The following CACNA1C variants were observed in gnomAD, a reference collection of about 807,000 sequenced individuals.
The protein encoded by CACNA1C is calcium voltage-gated channel subunit alpha1 C, also known as voltage-dependent L-type calcium channel subunit alpha-1C.
CACNA1C carries 30 observed loss-of-function variants against 229.0 expected under a neutral mutation model. That is an observed-to-expected ratio of 0.13 (90% CI 0.10 to 0.18). The LOEUF is 0.18. CACNA1C is among the 10% of genes least tolerant of loss of function. The pLI is 1.00. For synonymous variants in CACNA1C, 1,114 were observed against 1,132.5 expected (o/e 0.98, Z 0.33); for missense variants, 1,658 against 2,845.0 (o/e 0.58, Z 9.49).
At chr12:2,590,777 A>T (rs1336349167) in intron 18 of CACNA1C, among the ~76,000 whole-genome samples, 1 of 152,234 alleles carries the variant, frequency 6.6e-6, no homozygotes, top group Non-Finnish European at 1.5e-5. Flanking sequence ...TTCTGTAAAC[A>T]CAAATGATTA....
chr12:2,300,655 G>A (rs936656025), intron 3 of CACNA1C, among the ~76,000 whole-genome samples: 2 of 152,030 alleles, frequency 1.3e-5, no homozygotes, highest in African/African-American at 4.8e-5. Context: ...GAAAAGGACT[G>A]GATTCCTTTC....
At chr12:2,012,656 TGAG>T (rs2044649154) in intron 1 of CACNA1C, among the ~76,000 whole-genome samples, 1 of 152,154 alleles carries the variant, frequency 6.6e-6, no homozygotes, top group Admixed American at 6.5e-5. Flanking sequence ...AAAATCTAGT[TGAG>T]GAGACAAAGA....
At chr12:2,431,457 C>T (rs950843429) in intron 3 of CACNA1C, among the ~76,000 whole-genome samples, 1 of 152,144 alleles carries the variant, frequency 6.6e-6, no homozygotes, top group Non-Finnish European at 1.5e-5. Flanking sequence ...ACAGCTTGCT[C>T]CTTGCCCTTG....
At chr12:2,404,761 G>A (rs1256864595) in intron 3 of CACNA1C, among the ~76,000 whole-genome samples, 1 of 152,124 alleles carries the variant, frequency 6.6e-6, no homozygotes, top group East Asian at 1.9e-4. Context: ...AGCAGTGGAG[G>A]TTACCATAGA....
chr12:2,631,016 C>T (rs550764907), intron 29 of CACNA1C, among the ~76,000 whole-genome samples: 1 of 152,310 alleles, frequency 6.6e-6, no homozygotes, highest in Non-Finnish European at 1.5e-5. Context: ...ACCAGGGGTG[C>T]ACAGCCAGGC....
At chr12:2,002,717 G>C (rs907966332) in intron 1 of CACNA1C, among the ~76,000 whole-genome samples, 1 of 152,048 alleles carries the variant, frequency 6.6e-6, no homozygotes, top group Non-Finnish European at 1.5e-5. Flanking sequence ...TACATCCCTG[G>C]TCCTCATCTC....
chr12:2,274,670 C>G (rs527401889), intron 3 of CACNA1C, among the ~76,000 whole-genome samples: 19 of 152,318 alleles, frequency 1.2e-4, no homozygotes, highest in African/African-American at 4.6e-4. Flanking sequence ...CTGGAACTCA[C>G]GTAGTTTGCC....
At chr12:2,271,286 G>T (rs1282195597) in intron 3 of CACNA1C, among the ~76,000 whole-genome samples, 1 of 152,184 alleles carries the variant, frequency 6.6e-6, no homozygotes, top group Non-Finnish European at 1.5e-5. Flanking sequence ...CATTTCTGTA[G>T]GTTTAAGTCC....
chr12:2,358,394 A>G (rs1794901179), intron 3 of CACNA1C, among the ~76,000 whole-genome samples: 1 of 152,070 alleles, frequency 6.6e-6, no homozygotes, highest in African/African-American at 2.4e-5. Flanking sequence ...TAATTACATC[A>G]TCTCTTTAAA....
At chr12:1,990,839 C>T (rs920680163) in intron 1 of CACNA1C, among the ~76,000 whole-genome samples, 6 of 152,076 alleles carry the variant, frequency 3.9e-5, no homozygotes, top group African/African-American at 9.7e-5. Flanking sequence ...TCTATTAAAA[C>T]GTTTAAGAGG....
At chr12:2,244,714 C>T (rs1261770291) in intron 3 of CACNA1C, among the ~76,000 whole-genome samples, 1 of 152,214 alleles carries the variant, frequency 6.6e-6, no homozygotes, top group African/African-American at 2.4e-5. Context: ...TTGAGCAGTT[C>T]AGTGCCTCAC....
chr12:2,312,437 A>C (rs2095488012), intron 3 of CACNA1C, among the ~76,000 whole-genome samples: 1 of 152,152 alleles, frequency 6.6e-6, no homozygotes, highest in East Asian at 1.9e-4. Context: ...AAAGCACTGT[A>C]ATCTCTCCAT....
At chr12:2,462,271 T>TGC (rs1567828773) in intron 5 of CACNA1C, among the ~76,000 whole-genome samples, 1 of 133,928 alleles carries the variant, frequency 7.5e-6, no homozygotes, top group South Asian at 2.5e-4. Flanking sequence ...CATACAGGCC[T>TGC]GCACACTTCC....
chr12:2,120,684 G>GTA (rs1555200265), intron 3 of CACNA1C, among the ~76,000 whole-genome samples: 43 of 151,292 alleles, frequency 2.8e-4, no homozygotes, highest in Non-Finnish European at 3.5e-4. Flanking sequence ...GTGTGTGTGT[G>GTA]TGTGTGTGTG....
chr12:2,665,093 G>C lies in CACNA1C; in HGVS notation c.4398+103G>C. 1 of 1,264,366 alleles carries C rather than the reference G, an allele frequency of 7.9e-7. No individual in the cohort carries two copies. The highest frequency in any genetic ancestry group is 1.1e-6 in the Non-Finnish European group (1 of 889,044). 78.3% of individuals were successfully genotyped at this position (1,264,366 alleles called of 1,614,324 possible). A position where few individuals can be genotyped will look rare whatever the true frequency, so the allele number is the denominator to read the frequency against. On this transcript the variant is annotated intron_variant, in intron 35 of 46. Coordinates refer to ENST00000399655, the MANE Select transcript of CACNA1C (RefSeq NM_000719.7). The surrounding 1 kb of genome is among the most constrained non-coding windows in gnomAD (Gnocchi z 5.9). ...GCTCATGGTCAGGGCAACCCTATCA[G>C]AGGAGCTGGCTTGGGAAGACTAAGT... is the stretch of plus-strand genomic sequence containing the variant.
chr12:2,474,358 C>T (rs140585011), intron 5 of CACNA1C, among the ~76,000 whole-genome samples: 164 of 152,286 alleles, frequency 1.1e-3, no homozygotes, highest in Non-Finnish European at 2.0e-3. Context: ...TTTTCCAGTG[C>T]TCTAGAATAT....
chr12:2,534,535 A>G (rs1033851688), intron 9 of CACNA1C, among the ~76,000 whole-genome samples: 6 of 152,140 alleles, frequency 3.9e-5, no homozygotes, highest in African/African-American at 1.4e-4. Flanking sequence ...TTTCTTGTAG[A>G]GCTTAATTTT....
Position 2,682,456 on chromosome 12 carries a change from C to G in CACNA1C, c.5445-94C>G, listed in dbSNP as rs1392774048. 24 of 1,412,620 alleles carry G rather than the reference C, an allele frequency of 1.7e-5. No homozygotes were observed. In the Admixed American group the frequency reaches 2.9e-4, roughly 17 times the overall value. The allele number at this position is 1,412,620 out of a possible 1,614,324, so 87.5% of individuals were successfully genotyped here. ...CTTGTGTTTGTGCACGTGTGTACAC[C>G]TGCATGTGTGTGCGTGTGTGATGCT... On this transcript the variant is annotated intron_variant, in intron 42 of 46. Transcript: ENST00000399655.
At chr12:1,992,915 C>T in intron 1 of CACNA1C, 1 of 541,072 alleles carries the variant, frequency 1.8e-6, no homozygotes, top group South Asian at 2.7e-5. Context: ...ATTCTTCGTT[C>T]AGGGAGCCAC....
Sources: gnomAD v4.1 joint callset for allele counts (sites outside exome capture counted in the v4.1 genomes callset) on GRCh38, gnomAD v4.1.1 for gene constraint, Gnocchi (gnomAD v3.1) non-coding constraint, MANE v1.5 for transcripts, NCBI Gene and HGNC (gene_info 2026-07-23, HGNC 2026-07-21) for gene names.